METAP2: variants seen among roughly 807,000 people sequenced by gnomAD.
METAP2 encodes methionyl aminopeptidase 2.
A neutral mutation model predicts 59.4 loss-of-function variants in METAP2; 25 were observed. The ratio of observed to expected loss-of-function variants is 0.42; its 90% confidence interval spans 0.31 to 0.59. The LOEUF is 0.59. Among genes scored for constraint, METAP2 ranks in the 20% least tolerant of loss-of-function variants. The pLI is 0.16. For synonymous variants in METAP2, 214 were observed against 194.1 expected (o/e 1.10, Z -0.85); for missense variants, 366 against 581.2 (o/e 0.63, Z 3.81).
intron 4 of METAP2, among the ~76,000 whole-genome samples, chr12:95,491,629 G>A (rs2076238191): frequency 6.6e-6 from 1 of 151,500 alleles, no homozygotes; most frequent in African/African-American, 2.4e-5. Flanking sequence ...TCGTGCCTGA[G>A]CCTCCCGAGT....
Position 95,494,436 on chromosome 12 carries a change from A to G in METAP2, c.590+219A>G, listed in dbSNP as rs2076262623. Among the ~76,000 whole-genome samples, 6 of 152,212 alleles carry G rather than the reference A, an allele frequency of 3.9e-5. No individual in the cohort carries two copies. In the South Asian group the frequency reaches 1.2e-3, roughly 32 times the overall value. ...CCTTTTGTGTGCACATGTAGTCATTACTGATTGTTATTTTCTATCTGGAAA... is the reference window on the plus strand; with the variant it reads ...CCTTTTGTGTGCACATGTAGTCATTGCTGATTGTTATTTTCTATCTGGAAA... On this transcript the variant is annotated intron_variant, in intron 5 of 10. Coordinates refer to ENST00000323666, the MANE Select transcript of METAP2 (RefSeq NM_006838.4).
At chr12:95,489,690 T>C (rs2076222924) in intron 4 of METAP2, among the ~76,000 whole-genome samples, 1 of 152,194 alleles carries the variant, frequency 6.6e-6, no homozygotes, top group Non-Finnish European at 1.5e-5. Context: ...TGTACAAAAT[T>C]AGTCGGGCAT....
At chr12:95,510,204 T>A (rs1372437236) in intron 8 of METAP2, among the ~76,000 whole-genome samples, 2 of 152,148 alleles carry the variant, frequency 1.3e-5, no homozygotes, top group Non-Finnish European at 2.9e-5. Context: ...ACTCAGCTTC[T>A]CAATTGCAGA....
intron 5 of METAP2, among the ~76,000 whole-genome samples, 200 bp downstream of exon 5, chr12:95,494,417 G>A (rs2076262490): frequency 6.6e-6 from 1 of 152,110 alleles, no homozygotes; most frequent in African/African-American, 2.4e-5. Context: ...CCACCCTTTT[G>A]TGTGCACATG....
At chr12:95,489,397 T>C (rs553362561) in intron 4 of METAP2, among the ~76,000 whole-genome samples, 2 of 152,212 alleles carry the variant, frequency 1.3e-5, no homozygotes, top group Non-Finnish European at 2.9e-5. Context: ...AAAGTAATTT[T>C]CTTAAATATT....
intron 4 of METAP2, among the ~76,000 whole-genome samples, chr12:95,492,393 T>TA (rs1565779647): frequency 6.6e-6 from 1 of 152,064 alleles, no homozygotes. Context: ...AGGCAGATTT[T>TA]AAAAAAATTT....
intron 4 of METAP2, among the ~76,000 whole-genome samples, chr12:95,492,639 C>T (rs1383987421): frequency 6.6e-6 from 1 of 151,928 alleles, no homozygotes; most frequent in Non-Finnish European, 1.5e-5. Flanking sequence ...AATCATAGCT[C>T]ACTGTGTCCT....
At chr12:95,492,846 C>G (rs1413086299) in intron 4 of METAP2, among the ~76,000 whole-genome samples, 3 of 152,150 alleles carry the variant, frequency 2.0e-5, no homozygotes, top group Non-Finnish European at 4.4e-5. Flanking sequence ...GTTGAGTGAA[C>G]TTTTTCTTCA....
chr12:95,491,378 G>GAA (rs1243592946), intron 4 of METAP2, among the ~76,000 whole-genome samples: 4 of 152,132 alleles, frequency 2.6e-5, no homozygotes, highest in Non-Finnish European at 4.4e-5. Context: ...TCTGTAAGAA[G>GAA]AATTTTCTCT....
chr12:95,509,026 C>T (rs1009433686), intron 8 of METAP2, among the ~76,000 whole-genome samples: 4 of 152,106 alleles, frequency 2.6e-5, no homozygotes, highest in Non-Finnish European at 5.9e-5. Flanking sequence ...ACAAACGGGC[C>T]ATCAAAGGAG....
intron 7 of METAP2, among the ~76,000 whole-genome samples, chr12:95,498,558 T>A (rs1005626390): frequency 6.6e-6 from 1 of 152,206 alleles, no homozygotes; most frequent in African/African-American, 2.4e-5. Flanking sequence ...GTATTTATAG[T>A]TTCAGGTCTT....
chr12:95,487,292 G>C (rs959583567), intron 4 of METAP2, among the ~76,000 whole-genome samples: 3 of 151,720 alleles, frequency 2.0e-5, no homozygotes, highest in African/African-American at 7.3e-5. Context: ...TGTAGCTCTT[G>C]TTTTCTTGGC....
chr12:95,500,057 T>C (rs372499943), intron 7 of METAP2, among the ~76,000 whole-genome samples: 1 of 152,298 alleles, frequency 6.6e-6, no homozygotes. Context: ...CAGATGTGTT[T>C]CCATTTATGT....
intron 9 of METAP2, 50 bp from the exon 10 acceptor site, chr12:95,512,751 G>A (rs374192198): frequency 3.2e-5 from 32 of 992,024 alleles, no homozygotes; most frequent in East Asian, 1.2e-4. Context: ...ATTGTGATTC[G>A]TTCTGAATTT....
intron 6 of METAP2, 35 bp from the exon 7 acceptor site, chr12:95,495,969 A>G: frequency 7.9e-7 from 1 of 1,263,182 alleles, no homozygotes; most frequent in Non-Finnish European, 1.1e-6. Context: ...TGACTAGCTG[A>G]TAAGTAAAAT....
chr12:95,506,293 A>G (rs1420760595), intron 8 of METAP2, among the ~76,000 whole-genome samples: 1 of 141,188 alleles, frequency 7.1e-6, no homozygotes, highest in African/African-American at 2.6e-5. Context: ...TCTAATATAT[A>G]TGCTTTTTTT....
chr12:95,486,152 G>A (rs1337873693), intron 4 of METAP2, among the ~76,000 whole-genome samples, 171 bp downstream of exon 4: 2 of 152,194 alleles, frequency 1.3e-5, no homozygotes, highest in Non-Finnish European at 2.9e-5. Context: ...GGGACCAATA[G>A]CAGGTTATTG....
In METAP2 at chr12:95,515,473, T is replaced by A. The variant is rs1048741745; in HGVS notation, c.*1569T>A. ...CCTTTGGGGTTGAGTCCGTATCTTT[T>A]TGATGTGGAAGTATAAAGCAAGTAT... On this transcript the variant is annotated 3_prime_UTR_variant, in exon 11 of 11. Coordinates refer to ENST00000323666, the MANE Select transcript of METAP2 (RefSeq NM_006838.4). The A allele has an allele frequency of 6.6e-6, 1 of 152,330 alleles. No homozygotes were observed. The highest frequency in any genetic ancestry group is 6.5e-5 in the Admixed American group (1 of 15,294). 9.4% of individuals were successfully genotyped at this position (152,330 alleles called of 1,614,324 possible).
At chr12:95,492,416 T>A (rs1460147703) in intron 4 of METAP2, among the ~76,000 whole-genome samples, 1 of 152,162 alleles carries the variant, frequency 6.6e-6, no homozygotes, top group South Asian at 2.1e-4. Context: ...AGTCCACTTA[T>A]AAGGAGTTTT....
Sources: gnomAD v4.1 joint callset for allele counts (sites outside exome capture counted in the v4.1 genomes callset) on GRCh38, gnomAD v4.1.1 for gene constraint, MANE v1.5 for transcripts, NCBI Gene and HGNC (gene_info 2026-07-23, HGNC 2026-07-21) for gene names.